NDRG3: variants seen among roughly 807,000 people sequenced by gnomAD.
The protein encoded by NDRG3 is NDRG family member 3.
Under a neutral mutation model 57.2 loss-of-function variants are expected in NDRG3, and 23 were observed. The ratio of observed to expected loss-of-function variants is 0.40; its 90% CI spans 0.29 to 0.57. The LOEUF (loss-of-function observed/expected upper bound fraction) is 0.57, where lower values mean the gene tolerates loss of function less well. Among genes scored for constraint, NDRG3 ranks in the 20% least tolerant of loss-of-function variants. The probability of loss-of-function intolerance (pLI) is 0.42; values close to 1 mark genes in which losing one functional copy is unlikely to be tolerated. For synonymous variants in NDRG3, 132 were observed against 162.6 expected, an observed-to-expected ratio of 0.81 and a Z score of 1.43; for missense variants, 384 against 457.3, an observed-to-expected ratio of 0.84 and a Z score of 1.46.
intron 13 of NDRG3, 138 bp from the exon 14 acceptor site, chr20:36,656,670 C>A (rs1978702595): frequency 2.5e-6 from 2 of 800,562 alleles, no homozygotes; most frequent in African/African-American, 1.7e-5. Flanking sequence ...CTCAATGCAC[C>A]TACGTACAAA....
chr20:36,665,037 C>A lies in NDRG3; in HGVS notation c.810+9G>T, dbSNP rs747280864. On this transcript the variant is annotated intron_variant, in intron 12 of 15. Transcript: ENST00000349004. Reference sequence around the variant, plus strand: ...CTCATTCATCTTCACAGCATGAGGACATACTTACCACAGCCTCAACTGCAG... The same window carrying A: ...CTCATTCATCTTCACAGCATGAGGAAATACTTACCACAGCCTCAACTGCAG... 4.3e-6 allele frequency: 7 copies of A among 1,613,640 alleles called. No homozygotes were observed. The highest frequency in any genetic ancestry group is 5.9e-6 in the Non-Finnish European group (7 of 1,179,530).
At position 36,653,742 on chromosome 20, in the gene NDRG3, G is replaced by A. The variant is rs1313034156; in HGVS notation, c.947-41C>T. The A allele has an allele frequency of 2.5e-6, 4 of 1,579,596 alleles. No homozygotes were observed. Among genetic ancestry groups the A allele is most frequent in the Non-Finnish European group, 3.5e-6 (4 of 1,159,128 alleles). ...AAGGGGACTAGAAGATGAAGCCCCG[G>A]TTAAGCCCAGCTAACCTAGGAGTCT... On this transcript the variant is annotated intron_variant, in intron 15 of 15. Coordinates refer to ENST00000349004, the MANE Select transcript of NDRG3 (RefSeq NM_032013.4). This position sits in a 1 kb window ranked among gnomAD's most constrained non-coding sequence, Gnocchi z 4.2.
At chr20:36,683,993 A>T (rs1048677826) in intron 6 of NDRG3, among the ~76,000 whole-genome samples, 1 of 152,102 alleles carries the variant, frequency 6.6e-6, no homozygotes, top group African/African-American at 2.4e-5. Flanking sequence ...AAATTTAAAC[A>T]GCTTTATTTT....
At chr20:36,670,116 T>C (rs1393738026) in intron 9 of NDRG3, among the ~76,000 whole-genome samples, 2 of 152,058 alleles carry the variant, frequency 1.3e-5, no homozygotes, top group African/African-American at 2.4e-5. Flanking sequence ...AAAATCTTGT[T>C]TGGGGTGGGG....
At chr20:36,738,693 T>C (rs1278592607) in intron 1 of NDRG3, among the ~76,000 whole-genome samples, 1 of 148,018 alleles carries the variant, frequency 6.8e-6, no homozygotes, top group Admixed American at 6.8e-5. Flanking sequence ...TGTGGTGGCA[T>C]GCACCTGTAA....
chr20:36,675,456 G>A (rs1055723726), intron 8 of NDRG3, among the ~76,000 whole-genome samples: 9 of 151,340 alleles, frequency 5.9e-5, no homozygotes, highest in Non-Finnish European at 1.2e-4. Context: ...GCACGATCTC[G>A]ACTCACTGCA....
intron 8 of NDRG3, among the ~76,000 whole-genome samples, chr20:36,672,098 C>T (rs928212565): frequency 2.0e-5 from 3 of 152,144 alleles, no homozygotes; most frequent in Admixed American, 6.5e-5. Flanking sequence ...TTCCAAGAGA[C>T]AAAAACAATT....
chr20:36,687,606 G>C lies in NDRG3; in HGVS notation c.206C>G (p.Ser69Cys). 1 of 1,613,192 alleles carries C rather than the reference G, an allele frequency of 6.2e-7. No homozygotes were observed. The highest frequency in any genetic ancestry group is 8.5e-7 in the Non-Finnish European group (1 of 1,179,586). Reference sequence around the variant, plus strand: ...AAAGTTAAAGAATGCATTGAAACAGGATTTATCTATAAGAATAAAAATACC... The same window carrying C: ...AAAGTTAAAGAATGCATTGAAACAGCATTTATCTATAAGAATAAAAATACC... ...TYHDIGLNHK[S>C]CFNAFFNFED... The change falls in exon 5 of 16, where the codon TCC (serine) becomes TGC (cysteine). Residue 69 changes from serine to cysteine, a missense_variant. Coordinates refer to ENST00000349004, the MANE Select transcript of NDRG3 (RefSeq NM_032013.4).
chr20:36,664,669 T>C (rs1171005905), intron 12 of NDRG3, among the ~76,000 whole-genome samples: 1 of 152,122 alleles, frequency 6.6e-6, no homozygotes, highest in East Asian at 1.9e-4. Context: ...TTACCGACTG[T>C]TTCTAGTGTG....
At chr20:36,700,561 G>A (rs768058150) in intron 3 of NDRG3, 1 of 514,120 alleles carries the variant, frequency 1.9e-6, no homozygotes, top group Non-Finnish European at 4.0e-6. Context: ...GGCCACTGCA[G>A]GGAGTAACGT....
At chr20:36,711,105 C>T (rs1380829687) in intron 2 of NDRG3, among the ~76,000 whole-genome samples, 3 of 149,714 alleles carry the variant, frequency 2.0e-5, no homozygotes, top group African/African-American at 4.9e-5. Flanking sequence ...ACGGTGAAAC[C>T]CCATCTCTAC....
At chr20:36,681,807 C>T (rs1479395357) in intron 7 of NDRG3, among the ~76,000 whole-genome samples, 2 of 151,780 alleles carry the variant, frequency 1.3e-5, no homozygotes, top group African/African-American at 2.4e-5. Context: ...ATGCAATTCT[C>T]CTGCCTCAGC....
At chr20:36,676,326 C>G (rs903189318) in intron 8 of NDRG3, among the ~76,000 whole-genome samples, 1 of 152,166 alleles carries the variant, frequency 6.6e-6, no homozygotes, top group Non-Finnish European at 1.5e-5. Flanking sequence ...CCTTAATTTT[C>G]TCTCTGGAAA....
intron 1 of NDRG3, among the ~76,000 whole-genome samples, chr20:36,726,572 C>T (rs901988402): frequency 5.3e-5 from 8 of 152,204 alleles, no homozygotes; most frequent in African/African-American, 1.2e-4. Context: ...GCTGCACAGA[C>T]GGGCTCCCTC....
At chr20:36,668,947 T>C (rs567529096) in intron 9 of NDRG3, among the ~76,000 whole-genome samples, 11 of 152,126 alleles carry the variant, frequency 7.2e-5, no homozygotes, top group Non-Finnish European at 1.3e-4. Context: ...TATTTCTTTT[T>C]GCTATGTTGC....
At chr20:36,734,459 C>G (rs562146014) in intron 1 of NDRG3, among the ~76,000 whole-genome samples, 38 of 152,160 alleles carry the variant, frequency 2.5e-4, no homozygotes, top group Non-Finnish European at 4.6e-4. Context: ...AGGATTAGGC[C>G]ACAGGCTCTA....
chr20:36,688,109 C>A (rs528143947), intron 4 of NDRG3, among the ~76,000 whole-genome samples: 4 of 152,256 alleles, frequency 2.6e-5, no homozygotes, highest in Non-Finnish European at 5.9e-5. Context: ...TAAATCACTT[C>A]TCATGCCAAG....
chr20:36,706,896 C>T (rs1215355068), intron 3 of NDRG3, 76 bp downstream of exon 3: 1 of 1,293,068 alleles, frequency 7.7e-7, no homozygotes, highest in Non-Finnish European at 1.1e-6. Context: ...TCCACTTCTA[C>T]AAGACCACCA....
At chr20:36,705,763 T>A (rs1471540246) in intron 3 of NDRG3, among the ~76,000 whole-genome samples, 1 of 152,188 alleles carries the variant, frequency 6.6e-6, no homozygotes, top group East Asian at 1.9e-4. Flanking sequence ...TATTATTATT[T>A]TTTTGAGACA....
Sources: gnomAD v4.1 joint callset for allele counts (sites outside exome capture counted in the v4.1 genomes callset) on GRCh38, gnomAD v4.1.1 for gene constraint, Gnocchi (gnomAD v3.1) non-coding constraint, MANE v1.5 for transcripts, NCBI Gene and HGNC (gene_info 2026-07-23, HGNC 2026-07-21) for gene names.